The following PCDH9 variants were observed in gnomAD, a reference collection of about 807,000 sequenced individuals.
PCDH9 encodes protocadherin-9.
In PCDH9, 24 loss-of-function variants were observed where a neutral mutation model predicts 70.6. That is an observed-to-expected ratio of 0.34 (90% CI 0.25 to 0.48). The LOEUF is 0.48. PCDH9 is among the 20% of genes least tolerant of loss of function. PCDH9 has a pLI of 0.99. For missense variants in PCDH9, 1,281 were observed against 1,503.6 expected, an observed-to-expected ratio of 0.85 and a Z score of 2.45; for synonymous variants, 562 against 558.5, an observed-to-expected ratio of 1.01 and a Z score of -0.09.
chr13:66,347,157 T>G (rs146835225), intron 4 of PCDH9, among the ~76,000 whole-genome samples: 446 of 152,310 alleles, frequency 2.9e-3, no homozygotes, highest in African/African-American at 0.011. Flanking sequence ...AATTTAAGAA[T>G]GTCTCCAAAG....
intron 4 of PCDH9, among the ~76,000 whole-genome samples, chr13:66,397,049 G>C (rs1041327828): frequency 6.6e-6 from 1 of 152,124 alleles, no homozygotes; most frequent in African/African-American, 2.4e-5. Flanking sequence ...TATTGTGATT[G>C]AACTGATATA....
chr13:67,225,348 C>G (rs748646157), intron 2 of PCDH9, 57 bp downstream of exon 2: 80 of 1,534,770 alleles, frequency 5.2e-5, no homozygotes, highest in Non-Finnish European at 7.2e-5. Flanking sequence ...CACGTTAATA[C>G]TGGTTGACTG....
At chr13:66,665,108 C>A (rs1328011585) in intron 3 of PCDH9, among the ~76,000 whole-genome samples, 3 of 147,328 alleles carry the variant, frequency 2.0e-5, no homozygotes, top group Non-Finnish European at 4.5e-5. Flanking sequence ...TCTTTTCTCT[C>A]CTTTTTTTTT....
At chr13:66,650,628 G>A (rs776285516) in intron 3 of PCDH9, among the ~76,000 whole-genome samples, 19 of 151,722 alleles carry the variant, frequency 1.3e-4, no homozygotes, top group Non-Finnish European at 2.5e-4. Context: ...CCTTCACAGT[G>A]GACTTAGTAT....
rs1037278094 is a variant in PCDH9 at position 66,404,362 on chromosome 13, T to A, written c.3341-99334A>T. 2.6e-5 allele frequency among the ~76,000 whole-genome samples: 4 copies of A among 152,152 alleles called. No individual in the cohort carries two copies. In the South Asian group the frequency reaches 8.3e-4, roughly 32 times the overall value. Reference sequence around the variant, plus strand: ...GAGCAGAGGCCAACATTTCCAAGAATGAAAATATGGTTTTATTGCCAGAAT... The same window carrying A: ...GAGCAGAGGCCAACATTTCCAAGAAAGAAAATATGGTTTTATTGCCAGAAT... On this transcript the variant is annotated intron_variant, in intron 4 of 4. Coordinates refer to ENST00000377865, the MANE Select transcript of PCDH9 (RefSeq NM_203487.3).
At chr13:66,621,330 A>G (rs2077418878) in intron 4 of PCDH9, among the ~76,000 whole-genome samples, 1 of 152,228 alleles carries the variant, frequency 6.6e-6, no homozygotes, top group South Asian at 2.1e-4. Flanking sequence ...TAATGTTAAC[A>G]GGTCTACATG....
chr13:66,446,614 T>C (rs191394486), intron 4 of PCDH9, among the ~76,000 whole-genome samples: 32 of 152,112 alleles, frequency 2.1e-4, no homozygotes, highest in Middle Eastern at 3.4e-3. Flanking sequence ...AGAGTTAAGG[T>C]GAGGCAGGTG....
chr13:67,056,758 T>C (rs2085427726), intron 2 of PCDH9, among the ~76,000 whole-genome samples: 1 of 152,150 alleles, frequency 6.6e-6, no homozygotes, highest in African/African-American at 2.4e-5. Flanking sequence ...GCACTTAGCA[T>C]AGTGCCTGGT....
intron 4 of PCDH9, among the ~76,000 whole-genome samples, chr13:66,542,431 T>C (rs1247167931): frequency 6.6e-6 from 1 of 151,922 alleles, no homozygotes. Flanking sequence ...CTCACTAATG[T>C]GGGTGTGCCT....
chr13:66,882,071 A>G (rs1286151150), intron 3 of PCDH9, among the ~76,000 whole-genome samples: 1 of 152,218 alleles, frequency 6.6e-6, no homozygotes, highest in Non-Finnish European at 1.5e-5. Flanking sequence ...TAGAGAGCCA[A>G]GCCGCTAAAT....
chr13:66,501,230 G>A (rs541942576), intron 4 of PCDH9, among the ~76,000 whole-genome samples: 59 of 152,142 alleles, frequency 3.9e-4, no homozygotes, highest in African/African-American at 1.4e-3. Context: ...TACTTGTCAA[G>A]TTCTTGCACT....
intron 2 of PCDH9, among the ~76,000 whole-genome samples, chr13:66,911,576 G>T (rs893075984): frequency 2.0e-5 from 3 of 152,078 alleles, no homozygotes; most frequent in African/African-American, 7.2e-5. Context: ...CTATGAGCAC[G>T]CACTGAAATA....
At chr13:66,635,517 G>A (rs1031220437) in intron 3 of PCDH9, among the ~76,000 whole-genome samples, 1 of 151,772 alleles carries the variant, frequency 6.6e-6, no homozygotes, top group African/African-American at 2.4e-5. Flanking sequence ...AAAGTCAGAA[G>A]GTGACACACT....
At chr13:67,171,749 C>G (rs1015383089) in intron 2 of PCDH9, among the ~76,000 whole-genome samples, 1 of 152,120 alleles carries the variant, frequency 6.6e-6, no homozygotes, top group Admixed American at 6.6e-5. Context: ...GGCGATTGAA[C>G]CTGAGTTTCC....
intron 2 of PCDH9, among the ~76,000 whole-genome samples, chr13:66,934,275 T>C (rs1199422804): frequency 6.6e-6 from 1 of 152,074 alleles, no homozygotes; most frequent in East Asian, 1.9e-4. Context: ...CTCCCATCTG[T>C]AATCCCAGCA....
intron 2 of PCDH9, among the ~76,000 whole-genome samples, chr13:67,063,523 T>C (rs1207794603): frequency 2.1e-5 from 1 of 48,422 alleles, no homozygotes; most frequent in Non-Finnish European, 4.1e-5. Flanking sequence ...TAAAAAGCTT[T>C]CCAAGGCAAA....
intron 3 of PCDH9, among the ~76,000 whole-genome samples, chr13:66,736,575 G>A (rs1211549526): frequency 6.6e-6 from 1 of 152,062 alleles, no homozygotes; most frequent in Non-Finnish European, 1.5e-5. Flanking sequence ...TACTATGGCA[G>A]CCCTAGCAAA....
chr13:66,995,265 C>T (rs1442169087), intron 2 of PCDH9, among the ~76,000 whole-genome samples: 2 of 152,088 alleles, frequency 1.3e-5, no homozygotes, highest in African/African-American at 2.4e-5. Context: ...TCAAGGGCAT[C>T]GGAAAGGCTG....
chr13:66,700,119 G>A (rs191707177), intron 3 of PCDH9, among the ~76,000 whole-genome samples: 1 of 152,076 alleles, frequency 6.6e-6, no homozygotes, highest in Non-Finnish European at 1.5e-5. Context: ...ACTAGTTAAC[G>A]TGCACCTACT....
Sources: allele counts gnomAD v4.1 joint callset (sites outside exome capture counted in the v4.1 genomes callset), GRCh38; gene constraint gnomAD v4.1.1; transcripts MANE v1.5; gene names NCBI Gene and HGNC (gene_info 2026-07-23, HGNC 2026-07-21).